Variants in IGFL2 observed in about 807,000 individuals in gnomAD.
IGFL2 encodes the protein insulin growth factor-like family member 2.
In IGFL2, 7 loss-of-function variants were observed where a neutral mutation model predicts 13.9. That is an observed-to-expected ratio of 0.51 (90% CI 0.29 to 0.95). The LOEUF (loss-of-function observed/expected upper bound fraction) is 0.95. Among genes scored for constraint, IGFL2 ranks in the 40% least tolerant of loss-of-function variants. The probability of loss-of-function intolerance (pLI) is 0.08; values close to 1 mark genes in which losing one functional copy is unlikely to be tolerated. For synonymous variants in IGFL2, 55 were observed against 55.8 expected, an observed-to-expected ratio of 0.99 and a Z score of 0.07; for missense variants, 138 against 147.8, an observed-to-expected ratio of 0.93 and a Z score of 0.34.
At chr19:46,103,956 G>C in the IGFL2 span, among the ~76,000 whole-genome samples, 1 of 152,158 alleles carries the variant, frequency 6.6e-6, no homozygotes, top group African/African-American at 2.4e-5. Flanking sequence ...GGTCCTGCAG[G>C]CGGACAGCAG....
At chr19:46,102,684 C>T in the IGFL2 span, among the ~76,000 whole-genome samples, 7 of 152,138 alleles carry the variant, frequency 4.6e-5, no homozygotes, top group African/African-American at 1.7e-4. Context: ...TAAGTTGCTT[C>T]AGGCCATCTG....
intron 1 of IGFL2, among the ~76,000 whole-genome samples, chr19:46,158,358 A>C (rs1389282645): frequency 3.3e-5 from 5 of 151,984 alleles, no homozygotes. Context: ...ACAGGTGCGC[A>C]CTACCATGCC....
At chr19:46,164,988 A>G (rs1423937214), downstream of IGFL2, among the ~76,000 whole-genome samples, 1 of 152,194 alleles carries the variant, frequency 6.6e-6, no homozygotes, top group Non-Finnish European at 1.5e-5. Flanking sequence ...CTACCACACC[A>G]AAGCAGTTGC....
intron 1 of IGFL2, among the ~76,000 whole-genome samples, chr19:46,156,995 G>C (rs898768647): frequency 1.3e-5 from 2 of 152,026 alleles, no homozygotes; most frequent in Non-Finnish European, 2.9e-5. Context: ...TGGAAAACTA[G>C]GAATAACTCT....
At chr19:46,150,759 C>T (rs771975102) in intron 1 of IGFL2, among the ~76,000 whole-genome samples, 25 of 152,130 alleles carry the variant, frequency 1.6e-4, no homozygotes, top group Non-Finnish European at 2.6e-4. Context: ...CACCCTCTAC[C>T]TCTGAGGCTC....
chr19:46,103,591 A>G, the IGFL2 span, among the ~76,000 whole-genome samples: 1 of 151,986 alleles, frequency 6.6e-6, no homozygotes, highest in Non-Finnish European at 1.5e-5. Context: ...GGTTTGGAGG[A>G]AAAATGTAAA....
chr19:46,182,521 A>G, the IGFL2 span, among the ~76,000 whole-genome samples: 1 of 152,194 alleles, frequency 6.6e-6, no homozygotes, highest in Non-Finnish European at 1.5e-5. Context: ...CAAGTACAAG[A>G]AAAAACTTAT....
At chr19:46,199,331 G>C in the IGFL2 span, among the ~76,000 whole-genome samples, 1 of 152,204 alleles carries the variant, frequency 6.6e-6, no homozygotes, top group Non-Finnish European at 1.5e-5. Flanking sequence ...GTGGGTAGAG[G>C]TAGAGTTCCA....
the IGFL2 span, among the ~76,000 whole-genome samples, chr19:46,120,511 A>C: frequency 2.0e-5 from 3 of 151,212 alleles, 1 homozygote; most frequent in South Asian, 4.2e-4. Flanking sequence ...GTCACCATGA[A>C]AAAGCAGGAA....
intron 1 of IGFL2, among the ~76,000 whole-genome samples, chr19:46,151,481 C>T (rs1205122934): frequency 6.6e-6 from 1 of 152,200 alleles, no homozygotes; most frequent in East Asian, 1.9e-4. Flanking sequence ...TCAGCTCCTA[C>T]ACTGTCACTA....
the IGFL2 span, among the ~76,000 whole-genome samples, chr19:46,166,321 A>T: frequency 6.6e-5 from 10 of 152,200 alleles, no homozygotes; most frequent in Non-Finnish European, 1.5e-4. Context: ...TTGATGCCCC[A>T]CAAGCCACAA....
chr19:46,192,310 T>C, the IGFL2 span, among the ~76,000 whole-genome samples: 1 of 152,342 alleles, frequency 6.6e-6, no homozygotes, highest in East Asian at 1.9e-4. Context: ...GAATCAATAA[T>C]TGTAAAGAGT....
chr19:46,101,628 G>C, the IGFL2 span, among the ~76,000 whole-genome samples: 1 of 152,266 alleles, frequency 6.6e-6, no homozygotes, highest in Non-Finnish European at 1.5e-5. Flanking sequence ...CCCTTCCCCA[G>C]TGGGGGTTCA....
chr19:46,175,705 A>AT, the IGFL2 span, among the ~76,000 whole-genome samples: 1 of 150,818 alleles, frequency 6.6e-6, no homozygotes, highest in Admixed American at 6.6e-5. Context: ...CACCTGGCTA[A>AT]TTTTTTTGTA....
chr19:46,138,510 G>T (rs1030145749), upstream of IGFL2, among the ~76,000 whole-genome samples: 2 of 152,224 alleles, frequency 1.3e-5, no homozygotes, highest in South Asian at 4.1e-4. Flanking sequence ...TGTGCTGGTG[G>T]TGGGGGAGCA....
At chr19:46,182,727 T>C in the IGFL2 span, among the ~76,000 whole-genome samples, 1 of 152,114 alleles carries the variant, frequency 6.6e-6, no homozygotes, top group Non-Finnish European at 1.5e-5. Flanking sequence ...CGAGCAGGAC[T>C]TTGCTGATGA....
the IGFL2 span, among the ~76,000 whole-genome samples, chr19:46,183,995 C>T: frequency 6.6e-6 from 1 of 152,112 alleles, no homozygotes; most frequent in African/African-American, 2.4e-5. Context: ...TTGGTTATTT[C>T]CTTTTTGAGT....
chr19:46,171,648 T>C, the IGFL2 span, among the ~76,000 whole-genome samples: 3 of 152,354 alleles, frequency 2.0e-5, no homozygotes, highest in South Asian at 4.1e-4. Flanking sequence ...GACAGCCTGC[T>C]GTTTCTCATA....
the IGFL2 span, chr19:46,209,950 C>T: frequency 6.6e-6 from 1 of 151,576 alleles, no homozygotes. Flanking sequence ...CACACATACA[C>T]ATGAAAACTT....
Sources: gnomAD v4.1 joint callset for allele counts (sites outside exome capture counted in the v4.1 genomes callset) on GRCh38, gnomAD v4.1.1 for gene constraint, MANE v1.5 for transcripts, NCBI Gene and HGNC (gene_info 2026-07-23, HGNC 2026-07-21) for gene names.